The following STXBP4 variants were observed in gnomAD, a reference collection of about 807,000 sequenced individuals.
STXBP4 encodes syntaxin-binding protein 4.
A neutral mutation model predicts 76.1 loss-of-function variants in STXBP4; 55 were observed. The ratio of observed to expected loss-of-function variants is 0.72; its 90% CI spans 0.58 to 0.91. The LOEUF is 0.91. STXBP4 is among the 40% of genes least tolerant of loss of function. The pLI, the probability that STXBP4 is intolerant of heterozygous loss-of-function variation, is 0.00. For missense variants in STXBP4, 618 were observed against 636.9 expected, an observed-to-expected ratio of 0.97 and a Z score of 0.32; for synonymous variants, 201 against 220.2, an observed-to-expected ratio of 0.91 and a Z score of 0.77.
intron 16 of STXBP4, among the ~76,000 whole-genome samples, chr17:55,136,341 T>G (rs1204272459): frequency 3.3e-5 from 5 of 152,162 alleles, no homozygotes; most frequent in African/African-American, 1.2e-4. Context: ...CACAGTAGTA[T>G]GTTTGAGCTG....
At chr17:55,060,965 G>T (rs1340497165) in intron 12 of STXBP4, among the ~76,000 whole-genome samples, 1 of 152,160 alleles carries the variant, frequency 6.6e-6, no homozygotes, top group East Asian at 1.9e-4. Context: ...ACCAGTCTTT[G>T]CCCTAAAGAA....
chr17:54,994,163 A>G (rs2077761521), intron 4 of STXBP4, among the ~76,000 whole-genome samples: 1 of 152,184 alleles, frequency 6.6e-6, no homozygotes, highest in Non-Finnish European at 1.5e-5. Flanking sequence ...ATTAATTGCT[A>G]AAGTTAAGGA....
rs577037210 is a variant in STXBP4, at chr17:55,115,375, T to G, written c.1490-25935T>G. ...AGTATAGAATATGGCTTTCTGTAGA[T>G]TTAGAGAAAAAGCTCACCTGTTTCT... On this transcript the variant is annotated intron_variant, in intron 16 of 17. Coordinates refer to ENST00000376352, the MANE Select transcript of STXBP4 (RefSeq NM_178509.6). Among the ~76,000 whole-genome samples, 87 of 151,988 alleles carry G rather than the reference T, an allele frequency of 5.7e-4. 1 individual carries two copies. Among genetic ancestry groups the G allele is most frequent in the South Asian group, 2.1e-4 (1 of 4,824 alleles).
intron 8 of STXBP4, among the ~76,000 whole-genome samples, chr17:55,017,748 T>G (rs535263705): frequency 1.3e-5 from 2 of 151,956 alleles, no homozygotes; most frequent in African/African-American, 4.8e-5. Flanking sequence ...CCCAAGAAAA[T>G]TGAAAGCGGA....
At chr17:55,128,857 C>T (rs1482659175) in intron 16 of STXBP4, among the ~76,000 whole-genome samples, 3 of 151,324 alleles carry the variant, frequency 2.0e-5, no homozygotes, top group Admixed American at 6.6e-5. Context: ...TCAGGTGATT[C>T]GCCCTCCTTG....
At chr17:55,021,465 A>G (rs1383952799) in intron 8 of STXBP4, among the ~76,000 whole-genome samples, 1 of 152,174 alleles carries the variant, frequency 6.6e-6, no homozygotes, top group Non-Finnish European at 1.5e-5. Context: ...TCCAGGCTGC[A>G]GTGAGCCATG....
chr17:55,176,816 G>T (rs185368533), downstream of STXBP4, among the ~76,000 whole-genome samples: 44 of 152,174 alleles, frequency 2.9e-4, no homozygotes, highest in Admixed American at 2.5e-3. Context: ...GCAGAGGAAG[G>T]GAGAATCCTC....
intron 16 of STXBP4, among the ~76,000 whole-genome samples, chr17:55,097,807 C>A (rs1232611660): frequency 6.6e-6 from 1 of 152,086 alleles, no homozygotes; most frequent in Non-Finnish European, 1.5e-5. Flanking sequence ...CTATAAGGTT[C>A]CAATGCCAAC....
chr17:55,015,353 G>T (rs966405298), intron 8 of STXBP4, among the ~76,000 whole-genome samples: 4 of 152,164 alleles, frequency 2.6e-5, no homozygotes, highest in Non-Finnish European at 1.5e-5. Flanking sequence ...GTGGGGAATT[G>T]TTCTCTTTCC....
chr17:55,096,533 T>G (rs2079488651), intron 16 of STXBP4, among the ~76,000 whole-genome samples: 1 of 152,088 alleles, frequency 6.6e-6, no homozygotes. Context: ...ATAAGATATC[T>G]CCCTCATTGA....
At position 55,070,713 on chromosome 17, in the gene STXBP4, A is replaced by G. The variant is rs1307550689; in HGVS notation, c.1012-2187A>G. ...CCAGAGCCTGACTCCCTCCCTTTCC[A>G]CGACCTTTTTTTATCCATTACTCCC... is the stretch of plus-strand genomic sequence containing the variant. On this transcript the variant is annotated intron_variant, in intron 12 of 17. Coordinates refer to ENST00000376352, the MANE Select transcript of STXBP4 (RefSeq NM_178509.6). 2.0e-5 allele frequency among the ~76,000 whole-genome samples: 3 copies of G among 150,832 alleles called. No homozygotes were observed. The East Asian group carries it at 5.9e-4, about 29-fold the overall frequency.
chr17:55,182,476 T>A, the STXBP4 span, among the ~76,000 whole-genome samples: 3 of 152,060 alleles, frequency 2.0e-5, no homozygotes, highest in Admixed American at 6.5e-5. Context: ...TGAAGTACAA[T>A]GAGAAGGGAT....
chr17:55,046,454 C>A (rs546011834), intron 11 of STXBP4, among the ~76,000 whole-genome samples: 1 of 151,926 alleles, frequency 6.6e-6, no homozygotes, highest in African/African-American at 2.4e-5. Context: ...TCTTAAATTA[C>A]TCTTAGTATT....
intron 6 of STXBP4, 21 bp from the exon 7 acceptor site, chr17:55,000,787 G>T (rs1338566016): frequency 6.6e-7 from 1 of 1,520,266 alleles, no homozygotes; most frequent in Admixed American, 1.7e-5. Flanking sequence ...GACATTGCAT[G>T]TTCCTCATTT....
chr17:55,113,962 TTC>T (rs1476485054), intron 16 of STXBP4, among the ~76,000 whole-genome samples: 1 of 152,132 alleles, frequency 6.6e-6, no homozygotes, highest in Non-Finnish European at 1.5e-5. Context: ...CTTTCTTAAC[TTC>T]TCTGTACCTC....
intron 10 of STXBP4, among the ~76,000 whole-genome samples, chr17:55,036,343 C>A (rs1424397699): frequency 6.6e-6 from 1 of 151,364 alleles, no homozygotes; most frequent in Non-Finnish European, 1.5e-5. Flanking sequence ...GTATTTATAT[C>A]TTCTTTGATG....
intron 16 of STXBP4, among the ~76,000 whole-genome samples, chr17:55,139,240 G>A (rs778302470): frequency 5.3e-5 from 8 of 152,106 alleles, no homozygotes; most frequent in Non-Finnish European, 8.8e-5. Context: ...GTAATCCAAT[G>A]TTAGTGTCAA....
the STXBP4 span, among the ~76,000 whole-genome samples, chr17:55,210,678 A>G: frequency 6.6e-6 from 1 of 152,238 alleles, no homozygotes; most frequent in Non-Finnish European, 1.5e-5. Context: ...TATTGTGTAT[A>G]CTATGTGTAT....
At chr17:55,154,550 T>A (rs1192250263) in intron 17 of STXBP4, among the ~76,000 whole-genome samples, 2 of 152,188 alleles carry the variant, frequency 1.3e-5, no homozygotes, top group Non-Finnish European at 2.9e-5. Flanking sequence ...GTTTGTCCTA[T>A]TATGATGAAA....
Sources: allele counts gnomAD v4.1 joint callset (sites outside exome capture counted in the v4.1 genomes callset), GRCh38; gene constraint gnomAD v4.1.1; transcripts MANE v1.5; gene names NCBI Gene and HGNC (gene_info 2026-07-23, HGNC 2026-07-21).